RPL6: variants seen among roughly 807,000 people sequenced by gnomAD.
RPL6 encodes the protein ribosomal protein L6.
A neutral mutation model predicts 32.1 loss-of-function variants in RPL6; 1 was observed. The ratio of observed to expected loss-of-function variants is 0.03; its 90% CI spans 0.01 to 0.15. The LOEUF is 0.15. RPL6 is among the 10% of genes least tolerant of loss of function. RPL6 has a pLI of 1.00. For synonymous variants in RPL6, 126 were observed against 131.6 expected (o/e 0.96, Z 0.29); for missense variants, 275 against 354.6 (o/e 0.78, Z 1.80).
chr12:112,410,554 C>CTTTTTTTTTTTTTTTTTT (rs561190073), upstream of RPL6: 2 of 36,262 alleles, frequency 5.5e-5, no homozygotes, highest in African/African-American at 7.9e-5. Context: ...AGTGTTAGCT[C>CTTTTTTTTTTTTTTTTTT]TTTTTTTTTT....
At chr12:112,415,669 T>C (rs904340398) in intron 1 of RPL6, among the ~76,000 whole-genome samples, 1 of 151,994 alleles carries the variant, frequency 6.6e-6, no homozygotes, top group Non-Finnish European at 1.5e-5. Context: ...TGAGCCGGGA[T>C]TGCGCCACTG....
chr12:112,406,176 C>A, intron 5 of RPL6, 118 bp downstream of exon 5: 1 of 1,190,036 alleles, frequency 8.4e-7, no homozygotes, highest in South Asian at 1.3e-5. Context: ...ATGAAATGGG[C>A]CTCAGACACT....
At chr12:112,408,678 TA>T (rs747776217) in intron 1 of RPL6, 22 bp from the exon 2 acceptor site, 6 of 1,546,284 alleles carry the variant, frequency 3.9e-6, no homozygotes, top group Admixed American at 2.0e-5. Context: ...TTTTTGTAGA[TA>T]AAAAAAGGCA....
intron 1 of RPL6, chr12:112,409,078 C>G (rs978951441): frequency 8.5e-6 from 2 of 236,382 alleles, no homozygotes; most frequent in Non-Finnish European, 1.6e-5. Flanking sequence ...AGACCAGTGT[C>G]TCTTTTCAAG....
upstream of RPL6, chr12:112,409,774 G>T (rs2037305732): frequency 3.5e-6 from 1 of 287,898 alleles, no homozygotes; most frequent in East Asian, 5.7e-5. Context: ...CCTTTGGGAG[G>T]CCGAGGCAGG....
At chr12:112,409,801 G>A, upstream of RPL6, among the ~76,000 whole-genome samples, 1 of 146,148 alleles carries the variant, frequency 6.8e-6, no homozygotes, top group Middle Eastern at 3.9e-3. Flanking sequence ...CTCTGAGGTT[G>A]GCAGTTCGAG....
chr12:112,408,773 G>A, intron 1 of RPL6, 117 bp from the exon 2 acceptor site: 2 of 821,212 alleles, frequency 2.4e-6, no homozygotes, highest in Admixed American at 2.8e-5. Context: ...CCCTCCCCCG[G>A]TAAGATACAG....
chr12:112,406,564 A>G, intron 4 of RPL6, 183 bp downstream of exon 4: 2 of 894,754 alleles, frequency 2.2e-6, no homozygotes, highest in Non-Finnish European at 3.4e-6. Context: ...ACAGCAGGAA[A>G]TGGCTAATAA....
At chr12:112,417,794 A>G (rs1357435691) in intron 1 of RPL6, among the ~76,000 whole-genome samples, 1 of 150,806 alleles carries the variant, frequency 6.6e-6, no homozygotes, top group Non-Finnish European at 1.5e-5. Flanking sequence ...AGTAGCTGGG[A>G]CTACAGGCGC....
chr12:112,417,346 C>T (rs1231239443), intron 1 of RPL6, among the ~76,000 whole-genome samples: 2 of 152,076 alleles, frequency 1.3e-5, no homozygotes, highest in African/African-American at 4.8e-5. Flanking sequence ...GCGTGAGCCA[C>T]CACGCTCAGC....
At chr12:112,406,946 G>A in intron 3 of RPL6, 56 bp from the exon 4 acceptor site, 1 of 1,589,702 alleles carries the variant, frequency 6.3e-7, no homozygotes, top group Non-Finnish European at 8.6e-7. Context: ...ATTACTAGAA[G>A]CAAGCTATGT....
chr12:112,408,833 A>G (rs900900697), intron 1 of RPL6, 177 bp from the exon 2 acceptor site: 16 of 612,200 alleles, frequency 2.6e-5, no homozygotes, highest in Middle Eastern at 4.1e-4. Flanking sequence ...ACTATGACTC[A>G]TTTGGGGTTT....
rs776752038 is a variant in RPL6, at chr12:112,406,345, G to A, written c.481-3C>T. On this transcript the variant is annotated splice_polypyrimidine_tract_variant and splice_region_variant and intron_variant, in intron 4 of 6. Coordinates refer to ENST00000202773, the MANE Select transcript of RPL6 (RefSeq NM_000970.6). ...AGCTGCTTCAGGAAAACCACCCTCT[G>A]TAAGTTAAAAAGAAAATAATTAGTT... 9 of 1,610,766 alleles carry A rather than the reference G, an allele frequency of 5.6e-6. No homozygotes were observed. The highest frequency in any genetic ancestry group is 1.1e-5 in the South Asian group (1 of 90,844).
At chr12:112,405,624 G>A (rs1160373848) in intron 6 of RPL6, 9 of 605,600 alleles carry the variant, frequency 1.5e-5, no homozygotes, top group East Asian at 1.4e-4. Flanking sequence ...TTCCCAATAC[G>A]ATGGTAGCAG....
At chr12:112,412,197 G>C (rs909657029), upstream of RPL6, among the ~76,000 whole-genome samples, 1 of 152,086 alleles carries the variant, frequency 6.6e-6, no homozygotes, top group African/African-American at 2.4e-5. Flanking sequence ...CCGCCACCAT[G>C]CCTGACTAAT....
At chr12:112,405,789 G>T in intron 6 of RPL6, 64 bp downstream of exon 6, 1 of 1,343,552 alleles carries the variant, frequency 7.4e-7, no homozygotes, top group Non-Finnish European at 1.0e-6. Flanking sequence ...TGTGCAACCT[G>T]TTTCTTTTCA....
chr12:112,405,669 T>C (rs2037139540), intron 6 of RPL6, 184 bp downstream of exon 6: 1 of 639,288 alleles, frequency 1.6e-6, no homozygotes, highest in African/African-American at 1.8e-5. Context: ...ACTTTAGGAT[T>C]CTAAGTTGAG....
upstream of RPL6, among the ~76,000 whole-genome samples, chr12:112,413,095 C>T (rs1231238675): frequency 1.3e-5 from 2 of 152,008 alleles, no homozygotes; most frequent in South Asian, 2.1e-4. Context: ...ATATGGAGTA[C>T]GTATGCATCA....
chr12:112,416,589 T>C (rs1262168357), intron 1 of RPL6, among the ~76,000 whole-genome samples: 1 of 152,146 alleles, frequency 6.6e-6, no homozygotes. Flanking sequence ...GTTAATTGTA[T>C]TTTTAGTAGA....
Sources: allele counts gnomAD v4.1 joint callset (sites outside exome capture counted in the v4.1 genomes callset), GRCh38; gene constraint gnomAD v4.1.1; transcripts MANE v1.5; gene names NCBI Gene and HGNC (gene_info 2026-07-23, HGNC 2026-07-21).